Variants in LIN7A observed in about 807,000 individuals in gnomAD.
LIN7A encodes lin-7 cell polarity scaffold A, also known as protein lin-7 homolog A.
Under a neutral mutation model 29.8 loss-of-function variants are expected in LIN7A, and 25 were observed. The observed-to-expected ratio is 0.84, with a 90% CI of 0.61 to 1.17. The LOEUF is 1.17. Among genes scored for constraint, LIN7A ranks in the 50% most tolerant of loss-of-function variants. LIN7A has a pLI of 0.00. For synonymous variants in LIN7A, 118 were observed against 107.5 expected (o/e 1.10, Z -0.60); for missense variants, 239 against 287.0 (o/e 0.83, Z 1.21).
At chr12:80,821,034 T>C (rs1486493303) in intron 4 of LIN7A, among the ~76,000 whole-genome samples, 1 of 152,224 alleles carries the variant, frequency 6.6e-6, no homozygotes, top group African/African-American at 2.4e-5. Context: ...CACCATCCCC[T>C]ACATATCCGC....
rs148503334 is a variant in LIN7A at position 80,881,952 on chromosome 12, T to G, written c.201+7299A>C. Among the ~76,000 whole-genome samples, 359 of 152,300 alleles carry G rather than the reference T, an allele frequency of 2.4e-3. 3 individuals are homozygous for G. The highest frequency in any genetic ancestry group is 8.3e-3 in the African/African-American group (346 of 41,566). On this transcript the variant is annotated intron_variant, in intron 2 of 5. Transcript: ENST00000552864. ...TGGGTGGTAAATCTTATGTTACACA[T>G]TACTTTTCTCTTTATGTGGCTGAAT...
intron 1 of LIN7A, among the ~76,000 whole-genome samples, chr12:80,895,563 C>T (rs1047972929): frequency 1.3e-5 from 2 of 152,240 alleles, no homozygotes; most frequent in Non-Finnish European, 2.9e-5. Context: ...CCACAACCCT[C>T]TAATCGCTTG....
intron 4 of LIN7A, among the ~76,000 whole-genome samples, chr12:80,819,145 A>G (rs995302432): frequency 6.6e-6 from 1 of 152,212 alleles, no homozygotes; most frequent in Non-Finnish European, 1.5e-5. Context: ...ATTGCAGTAC[A>G]TTGTTATAAT....
At chr12:80,893,969 G>A (rs571276718) in intron 1 of LIN7A, among the ~76,000 whole-genome samples, 32 of 152,302 alleles carry the variant, frequency 2.1e-4, no homozygotes, top group African/African-American at 5.8e-4. Context: ...AGGCCTAGCC[G>A]TTTTGGAAAC....
intron 2 of LIN7A, among the ~76,000 whole-genome samples, chr12:80,880,616 C>T (rs532168109): frequency 7.9e-5 from 12 of 152,242 alleles, no homozygotes; most frequent in African/African-American, 2.6e-4. Context: ...AAAAGTGGAA[C>T]CTCTGTCTTC....
At chr12:80,799,093 C>G (rs1299292776) in intron 5 of LIN7A, among the ~76,000 whole-genome samples, 3 of 152,094 alleles carry the variant, frequency 2.0e-5, no homozygotes, top group African/African-American at 4.8e-5. Flanking sequence ...AGGAATGGGA[C>G]TCAGAACAGG....
chr12:80,818,121 G>A (rs929438097), intron 4 of LIN7A, among the ~76,000 whole-genome samples: 1 of 151,978 alleles, frequency 6.6e-6, no homozygotes, highest in Non-Finnish European at 1.5e-5. Flanking sequence ...TCTTATGATA[G>A]TTTTACTTTT....
chr12:80,804,889 C>A (rs1870902858), intron 5 of LIN7A, among the ~76,000 whole-genome samples: 1 of 152,000 alleles, frequency 6.6e-6, no homozygotes, highest in Admixed American at 6.6e-5. Flanking sequence ...AATAGTACTC[C>A]ATTGTGTACA....
At position 80,845,789 on chromosome 12, in the gene LIN7A, C is replaced by T. The variant is rs528221716; in HGVS notation, c.424G>A (p.Val142Met). 3.7e-5 allele frequency: 59 copies of T among 1,613,858 alleles called. 2 individuals carry two copies. Among genetic ancestry groups the T allele is most frequent in the South Asian group, 3.5e-4 (32 of 91,032 alleles). Residue 142 changes from valine to methionine, a missense_variant, in exon 4 of 6, where the codon GTG becomes ATG. Transcript: ENST00000552864. ...IYISRIIPGGVAERHGGLKRG... is the reference protein window; with the variant it reads ...IYISRIIPGGMAERHGGLKRG... ...TTGAGGCCTCCGTGTCTTTCAGCCACCCCTCCAGGAATTATGCGAGAGATA... is the reference window on the plus strand; with the variant it reads ...TTGAGGCCTCCGTGTCTTTCAGCCATCCCTCCAGGAATTATGCGAGAGATA...
intron 2 of LIN7A, among the ~76,000 whole-genome samples, chr12:80,855,276 T>C (rs1470593220): frequency 2.6e-5 from 4 of 152,130 alleles, no homozygotes; most frequent in Admixed American, 2.6e-4. Flanking sequence ...CACATTATAG[T>C]GTGCATTAAG....
rs1870495807 is a variant in LIN7A, at chr12:80,797,316, C to G, written c.*411G>C. 6.6e-6 allele frequency: 1 copy of G among 152,502 alleles called. No homozygotes were observed. Among genetic ancestry groups the G allele is most frequent in the African/African-American group, 2.4e-5 (1 of 41,452 alleles). 9.4% of individuals were successfully genotyped at this position (152,502 alleles called of 1,614,324 possible). On this transcript the variant is annotated 3_prime_UTR_variant, in exon 6 of 6. Transcript: ENST00000552864. ...AGCAATGTGTAGGTTTCACTTTGAA[C>G]TGATGCAGTTTGAATTATAGCCTAA...
chr12:80,856,548 A>G (rs545005139), intron 2 of LIN7A, among the ~76,000 whole-genome samples: 7 of 151,928 alleles, frequency 4.6e-5, no homozygotes, highest in Non-Finnish European at 8.8e-5. Context: ...AAACAAATGA[A>G]CTCTCCAGTT....
intron 2 of LIN7A, among the ~76,000 whole-genome samples, chr12:80,857,697 A>G (rs1050316755): frequency 6.6e-6 from 1 of 152,194 alleles, no homozygotes; most frequent in African/African-American, 2.4e-5. Flanking sequence ...GTTTTACCAG[A>G]TTGAAGAAAA....
At chr12:80,837,107 A>T (rs1238036911) in intron 4 of LIN7A, among the ~76,000 whole-genome samples, 2 of 152,110 alleles carry the variant, frequency 1.3e-5, no homozygotes, top group African/African-American at 4.8e-5. Context: ...AGTGGAAAAT[A>T]TTCAGTGTGT....
chr12:80,927,366 G>A (rs950510490), intron 1 of LIN7A, among the ~76,000 whole-genome samples: 1 of 151,874 alleles, frequency 6.6e-6, no homozygotes, highest in East Asian at 1.9e-4. Context: ...TTTCACCGTG[G>A]TCTGGAGCTC....
intron 2 of LIN7A, among the ~76,000 whole-genome samples, chr12:80,850,753 A>ATGAT (rs1448867858): frequency 6.6e-6 from 1 of 152,202 alleles, no homozygotes; most frequent in Non-Finnish European, 1.5e-5. Flanking sequence ...CGTACGTGCA[A>ATGAT]TGATTGGTAA....
chr12:80,822,548 ACT>A (rs1871858159), intron 4 of LIN7A, among the ~76,000 whole-genome samples: 1 of 151,946 alleles, frequency 6.6e-6, no homozygotes, highest in South Asian at 2.1e-4. Context: ...AAAGAGTGAA[ACT>A]CTATCACACA....
intron 2 of LIN7A, among the ~76,000 whole-genome samples, chr12:80,874,477 G>A (rs2120522878): frequency 6.6e-6 from 1 of 152,180 alleles, no homozygotes; most frequent in East Asian, 1.9e-4. Context: ...TTTTTACATT[G>A]TTTCTTGAAA....
At chr12:80,914,092 C>A (rs1876908372) in intron 1 of LIN7A, among the ~76,000 whole-genome samples, 1 of 152,144 alleles carries the variant, frequency 6.6e-6, no homozygotes. Flanking sequence ...TCATATTAGT[C>A]AATAAAGCAT....
Sources: gnomAD v4.1 joint callset for allele counts (sites outside exome capture counted in the v4.1 genomes callset) on GRCh38, gnomAD v4.1.1 for gene constraint, MANE v1.5 for transcripts, NCBI Gene and HGNC (gene_info 2026-07-23, HGNC 2026-07-21) for gene names.